Variants in PREX1 observed in about 807,000 individuals in gnomAD.
The protein encoded by PREX1 is phosphatidylinositol 3,4,5-trisphosphate-dependent Rac exchanger 1 protein.
A neutral mutation model predicts 198.3 loss-of-function variants in PREX1; 41 were observed. The observed-to-expected ratio is 0.21, with a 90% CI of 0.16 to 0.27. PREX1 has a LOEUF of 0.27. PREX1 is among the 10% of genes least tolerant of loss of function. The probability of loss-of-function intolerance (pLI) is 1.00; values close to 1 mark genes in which losing one functional copy is unlikely to be tolerated. For missense variants in PREX1, 1,620 were observed against 2,200.7 expected (o/e 0.74, Z 5.28); for synonymous variants, 843 against 887.2 (o/e 0.95, Z 0.89).
the PREX1 span, among the ~76,000 whole-genome samples, chr20:48,869,236 C>T: frequency 6.6e-6 from 1 of 152,064 alleles, no homozygotes; most frequent in Non-Finnish European, 1.5e-5. Context: ...AGTTGCACAG[C>T]TGTATTCCAC....
At chr20:48,703,822 C>T (rs1224514474) in intron 6 of PREX1, among the ~76,000 whole-genome samples, 1 of 152,166 alleles carries the variant, frequency 6.6e-6, no homozygotes, top group East Asian at 1.9e-4. Flanking sequence ...AGGGGGATAC[C>T]CCCTCCACCC....
At position 48,772,644 on chromosome 20, in the gene PREX1, T is replaced by A. The variant is rs1363273360; in HGVS notation, c.220-24764A>T. 2.0e-5 allele frequency among the ~76,000 whole-genome samples: 3 copies of A among 152,172 alleles called. No individual in the cohort carries two copies. The South Asian group carries it at 6.2e-4, about 32-fold the overall frequency. On this transcript the variant is annotated intron_variant, in intron 1 of 39. Transcript: ENST00000371941. The stretch of plus-strand genomic sequence containing the variant: ...GCGACAGTATACAAATCGCTTCATG[T>A]CTGCTGAGGAAATTTACTGCCCTGA...
intron 7 of PREX1, among the ~76,000 whole-genome samples, chr20:48,697,944 GACAA>G (rs1470059894): frequency 6.6e-6 from 1 of 152,172 alleles, no homozygotes; most frequent in Non-Finnish European, 1.5e-5. Flanking sequence ...CCCAGGCAAG[GACAA>G]ACACAGTCAG....
the PREX1 span, among the ~76,000 whole-genome samples, chr20:48,868,369 G>A: frequency 6.6e-6 from 1 of 152,018 alleles, no homozygotes; most frequent in Non-Finnish European, 1.5e-5. Flanking sequence ...CCAAGCTGGA[G>A]TGCAATGGCA....
chr20:48,771,073 TCA>T (rs2090233308), intron 1 of PREX1, among the ~76,000 whole-genome samples: 1 of 151,984 alleles, frequency 6.6e-6, no homozygotes, highest in Non-Finnish European at 1.5e-5. Context: ...AAACTGGAAA[TCA>T]CACATTCTGA....
intron 25 of PREX1, among the ~76,000 whole-genome samples, chr20:48,647,293 C>T (rs1368404873): frequency 1.3e-5 from 2 of 151,982 alleles, no homozygotes; most frequent in African/African-American, 4.8e-5. Flanking sequence ...GAGGCCAAGG[C>T]GGGTGGGTCA....
intron 35 of PREX1, among the ~76,000 whole-genome samples, 158 bp from the exon 36 acceptor site, chr20:48,630,952 C>G (rs987745465): frequency 6.6e-6 from 1 of 152,064 alleles, no homozygotes; most frequent in African/African-American, 2.4e-5. Flanking sequence ...CACCCGCAGG[C>G]ACCTGTTCCT....
At position 48,653,499 on chromosome 20, in the gene PREX1, T is replaced by C; in HGVS notation, c.2210-2A>G. The stretch of plus-strand genomic sequence containing the variant: ...GCCCTGCAGCCATGGCCTCAGAGCC[T>C]AAGGGGAACAGGAGCACATGAGGCT... On this transcript the variant is annotated splice_acceptor_variant, in intron 19 of 39. Transcript: ENST00000371941. LOFTEE classifies it high-confidence loss of function. 6.2e-7 allele frequency: 1 copy of C among 1,607,220 alleles called. No homozygotes were observed. The highest frequency in any genetic ancestry group is 1.1e-5 in the South Asian group (1 of 90,980).
intron 1 of PREX1, among the ~76,000 whole-genome samples, chr20:48,798,018 C>T (rs1345771909): frequency 6.6e-6 from 1 of 152,222 alleles, no homozygotes; most frequent in Non-Finnish European, 1.5e-5. Flanking sequence ...ACGCTGAGCT[C>T]ATCTGTAACC....
chr20:48,656,424 G>GA, intron 18 of PREX1: 1 of 304,258 alleles, frequency 3.3e-6, no homozygotes, highest in Non-Finnish European at 6.3e-6. Context: ...GGGCCTCCAG[G>GA]GCTGGACCCC....
At chr20:48,816,499 T>A (rs1388117732) in intron 1 of PREX1, among the ~76,000 whole-genome samples, 1 of 152,094 alleles carries the variant, frequency 6.6e-6, no homozygotes, top group Non-Finnish European at 1.5e-5. Flanking sequence ...GGTAAAGCCT[T>A]AAAAGACGCC....
At chr20:48,646,449 G>C (rs545649026) in intron 25 of PREX1, among the ~76,000 whole-genome samples, 1 of 152,314 alleles carries the variant, frequency 6.6e-6, no homozygotes, top group East Asian at 1.9e-4. Flanking sequence ...TTGGGAGGCT[G>C]AGGTGGGCTG....
At position 48,641,824 on chromosome 20, in the gene PREX1, A is replaced by AAGAAAG. The variant is rs1555830130; in HGVS notation, c.3775+343_3775+344insCTTTCT. ...CAAGAAAGAAAGAAAGAAAGAAAGA[A>AAGAAAG]AGAGAGAGAGAGAGAGAGGAAGGAA... is the stretch of plus-strand genomic sequence containing the variant. On this transcript the variant is annotated intron_variant, in intron 29 of 39. Transcript: ENST00000371941. Among the ~76,000 whole-genome samples, 28 of 114,946 alleles carry AAGAAAG rather than the reference A, an allele frequency of 2.4e-4. 2 individuals are homozygous for AAGAAAG. Among genetic ancestry groups the AAGAAAG allele is most frequent in the African/African-American group, 1.1e-3 (28 of 25,774 alleles). 75.4% of individuals were successfully genotyped at this position (114,946 alleles called of 152,430 possible). A position where few individuals can be genotyped will look rare whatever the true frequency, so the allele number is the denominator to read the frequency against.
At chr20:48,644,726 A>C (rs562188051) in intron 26 of PREX1, among the ~76,000 whole-genome samples, 2 of 152,356 alleles carry the variant, frequency 1.3e-5, no homozygotes, top group African/African-American at 4.8e-5. Flanking sequence ...TCTAGCACAG[A>C]AACACAGAAA....
Position 48,625,913 on chromosome 20 carries a change from C to G in PREX1, c.4952G>C (p.Cys1651Ser). ...PQGAPRLYRL[C>S]QPPVDGDL ...GAGGTCCCCATCCACCGGCGGCTGGCAGAGGCGGTAGAGGCTGGGGATGGA... is the reference window on the plus strand; with the variant it reads ...GAGGTCCCCATCCACCGGCGGCTGGGAGAGGCGGTAGAGGCTGGGGATGGA... The change falls in exon 40 of 40, where the codon TGC (cysteine) becomes TCC (serine). Residue 1651 changes from cysteine (C) to serine (S), a missense_variant. Cys to Ser is a moderately radical substitution (Grantham distance 112). Coordinates refer to ENST00000371941, the MANE Select transcript of PREX1 (RefSeq NM_020820.4). 1 of 1,562,496 alleles carries G rather than the reference C, an allele frequency of 6.4e-7. No homozygotes were observed.
chr20:48,887,536 C>T, the PREX1 span, among the ~76,000 whole-genome samples: 1 of 152,210 alleles, frequency 6.6e-6, no homozygotes, highest in South Asian at 2.1e-4. Flanking sequence ...TGAAAGACAG[C>T]TTGAGCCCGG....
In PREX1 at chr20:48,741,347, A is replaced by T. The variant is rs6122721; in HGVS notation, c.414+3678T>A. 3.7e-3 allele frequency among the ~76,000 whole-genome samples: 484 copies of T among 131,206 alleles called. 3 individuals carry two copies. Among genetic ancestry groups the T allele is most frequent in the African/African-American group, 0.01 (399 of 38,730 alleles). 86.1% of individuals were successfully genotyped at this position (131,206 alleles called of 152,430 possible). ...GAGCTTGGGGCTCGATTTTTTTTTT[A>T]TTTTATTTTTTGTTTTGTTTTGTTT... On this transcript the variant is annotated intron_variant, in intron 3 of 39. Transcript: ENST00000371941.
chr20:48,850,100 G>A, the PREX1 span, among the ~76,000 whole-genome samples: 1 of 152,234 alleles, frequency 6.6e-6, no homozygotes, highest in East Asian at 1.9e-4. Context: ...ATGAGCACTT[G>A]TTAAATACTC....
chr20:48,763,297 G>A (rs1273975164), intron 1 of PREX1, among the ~76,000 whole-genome samples: 4 of 152,274 alleles, frequency 2.6e-5, no homozygotes, highest in East Asian at 1.9e-4. Context: ...CTGCATGGGC[G>A]TGTGGCTGGA....
Sources: gnomAD v4.1 joint callset for allele counts (sites outside exome capture counted in the v4.1 genomes callset) on GRCh38, gnomAD v4.1.1 for gene constraint, MANE v1.5 for transcripts, NCBI Gene and HGNC (gene_info 2026-07-23, HGNC 2026-07-21) for gene names.